SYNE2: variants seen among roughly 807,000 people sequenced by gnomAD.
SYNE2 encodes spectrin repeat containing nuclear envelope protein 2, also known as nesprin-2.
Under a neutral mutation model 856.3 loss-of-function variants are expected in SYNE2, and 431 were observed. That is an observed-to-expected ratio of 0.50 (90% confidence interval 0.47 to 0.55). The LOEUF (loss-of-function observed/expected upper bound fraction) is 0.55, where lower values mean the gene tolerates loss of function less well. Ranked by LOEUF, SYNE2 falls within the 20% of genes least tolerant of loss-of-function variation. The pLI is 0.00. For missense variants in SYNE2, 8,129 were observed against 8,023.2 expected (o/e 1.01, Z -0.50); for synonymous variants, 2,923 against 2,872.3 (o/e 1.02, Z -0.56).
chr14:63,777,158 A>G (rs550883190), intron 1 of SYNE2, among the ~76,000 whole-genome samples: 201 of 152,328 alleles, frequency 1.3e-3, no homozygotes, highest in African/African-American at 3.6e-3. Flanking sequence ...TCAGTAAGCT[A>G]TATTATGAGG....
intron 100 of SYNE2, chr14:64,208,026 G>A (rs1188132872): frequency 2.2e-6 from 1 of 455,910 alleles, no homozygotes; most frequent in Non-Finnish European, 4.4e-6. Context: ...TTCGTGAAGA[G>A]GTTTTCCAGT....
chr14:64,102,448 A>G (rs932220399), intron 64 of SYNE2, among the ~76,000 whole-genome samples: 4 of 151,822 alleles, frequency 2.6e-5, no homozygotes, highest in Non-Finnish European at 4.4e-5. Context: ...TAAGGATAGT[A>G]AAGAACTATT....
At chr14:64,064,542 ATT>A (rs369447974) in intron 50 of SYNE2, among the ~76,000 whole-genome samples, 131 of 103,610 alleles carry the variant, frequency 1.3e-3, no homozygotes, top group African/African-American at 4.1e-3. Context: ...GTACTTTTAG[ATT>A]TTTTTTTTTT....
chr14:64,109,478 A>T (rs1023346973), intron 65 of SYNE2, among the ~76,000 whole-genome samples: 8 of 152,188 alleles, frequency 5.3e-5, no homozygotes, highest in African/African-American at 1.9e-4. Flanking sequence ...TTAGCTAGTA[A>T]GTGGCAAAGC....
rs1484756164 is a variant in SYNE2, at chr14:64,051,757, A to G, written c.7844A>G (p.Gln2615Arg). ...TGGGAACAAGTGGAACAGCAGATTCAAAAGAAGTATTCTCAGCAGGTAGTG... is the reference window on the plus strand; with the variant it reads ...TGGGAACAAGTGGAACAGCAGATTCGAAAGAAGTATTCTCAGCAGGTAGTG... ...HGWEQVEQQIQKKYSQQVVEY... is the reference protein window; with the variant it reads ...HGWEQVEQQIRKKYSQQVVEY... The change falls in exon 48 of 116, where the codon CAA (glutamine) becomes CGA (arginine). Residue 2615 changes from glutamine to arginine, a missense_variant. Gln to Arg is a conservative substitution (Grantham distance 43). This residue lies in a region of SYNE2 where 5,410 missense variants were observed against 5,284.8 expected (regional missense o/e 1.02). Transcript: ENST00000555002. 2 of 1,614,240 alleles carry G rather than the reference A, an allele frequency of 1.2e-6. No homozygotes were observed. The highest frequency in any genetic ancestry group is 3.3e-5 in the Admixed American group (2 of 60,032).
intron 113 of SYNE2, among the ~76,000 whole-genome samples, chr14:64,223,812 A>G (rs574611531): frequency 2.6e-5 from 4 of 152,244 alleles, no homozygotes; most frequent in Admixed American, 6.5e-5. Flanking sequence ...CACCAGACTT[A>G]GGGCAGGTCT....
In SYNE2 at chr14:64,164,629, C is replaced by T. The variant is rs8181941; in HGVS notation, c.16480-656C>T. Reference sequence around the variant, plus strand: ...AGGCCATGGAGTTGCAGTATCACATCTCAGTACCAGCAGGAAAACAAACAA... The same window carrying T: ...AGGCCATGGAGTTGCAGTATCACATTTCAGTACCAGCAGGAAAACAAACAA... On this transcript the variant is annotated intron_variant, in intron 89 of 115. Coordinates refer to ENST00000555002, the MANE Select transcript of SYNE2 (RefSeq NM_182914.3). 1.6e-4 allele frequency among the ~76,000 whole-genome samples: 24 copies of T among 152,278 alleles called. No individual in the cohort carries two copies. In the East Asian group the frequency reaches 3.9e-3, roughly 25 times the overall value.
At chr14:64,216,416 C>T in intron 108 of SYNE2, 29 bp downstream of exon 108, 2 of 1,609,310 alleles carry the variant, frequency 1.2e-6, no homozygotes, top group Non-Finnish European at 1.7e-6. Flanking sequence ...GGGAGTACAG[C>T]CTATGTCTGT....
chr14:64,032,019 C>T (rs2097041257), intron 45 of SYNE2, among the ~76,000 whole-genome samples: 1 of 152,170 alleles, frequency 6.6e-6, no homozygotes. Flanking sequence ...CACGCAGCTT[C>T]TCACAGTCAG....
chr14:63,974,886 G>GTA (rs1315971121), intron 11 of SYNE2, among the ~76,000 whole-genome samples: 3 of 26,292 alleles, frequency 1.1e-4, no homozygotes, highest in Admixed American at 4.4e-4. Flanking sequence ...GTGTGTGTGT[G>GTA]TGTGTGTATA....
intron 60 of SYNE2, 141 bp from the exon 61 acceptor site, chr14:64,093,208 G>C (rs1209624056): frequency 1.1e-6 from 1 of 940,228 alleles, no homozygotes; most frequent in African/African-American, 1.7e-5. Flanking sequence ...CTCTGTTTAG[G>C]CTACCACGTC....
intron 96 of SYNE2, among the ~76,000 whole-genome samples, chr14:64,183,089 G>T (rs930576246): frequency 6.7e-6 from 1 of 148,366 alleles, no homozygotes; most frequent in Non-Finnish European, 1.5e-5. Context: ...CGGGGCGGCT[G>T]CCGGGCGGAG....
chr14:64,050,024 C>A, intron 47 of SYNE2, 148 bp downstream of exon 47: 2 of 1,065,734 alleles, frequency 1.9e-6, no homozygotes, highest in Non-Finnish European at 1.3e-6. Flanking sequence ...CATATGGATG[C>A]TGTCTTTGTT....
At chr14:64,015,904 T>G (rs1053311802) in intron 32 of SYNE2, among the ~76,000 whole-genome samples, 4 of 152,108 alleles carry the variant, frequency 2.6e-5, no homozygotes, top group African/African-American at 9.6e-5. Flanking sequence ...TTTGATGTAT[T>G]TAAAAATTTC....
intron 45 of SYNE2, among the ~76,000 whole-genome samples, chr14:64,041,220 T>G (rs1182604271): frequency 2.0e-5 from 3 of 152,160 alleles, no homozygotes; most frequent in Non-Finnish European, 4.4e-5. Flanking sequence ...AGAAAATATT[T>G]AAATCTTTAC....
Position 63,793,039 on chromosome 14 carries a change from A to G in SYNE2, c.-305+31053A>G, listed in dbSNP as rs138025590. On this transcript the variant is annotated intron_variant, in intron 1 of 23. Transcript: ENST00000674003. Reference sequence around the variant, plus strand: ...ATATTATCATACTTTTTTTAAAGCTATATTATTAGCACACAGAACACTTCA... The same window carrying G: ...ATATTATCATACTTTTTTTAAAGCTGTATTATTAGCACACAGAACACTTCA... 1.4e-4 allele frequency among the ~76,000 whole-genome samples: 22 copies of G among 152,270 alleles called. No homozygotes were observed. In the East Asian group the frequency reaches 3.5e-3, roughly 24 times the overall value.
chr14:63,933,809 TAAG>T (rs1483910368), intron 2 of SYNE2, among the ~76,000 whole-genome samples: 2 of 152,222 alleles, frequency 1.3e-5, no homozygotes, highest in Non-Finnish European at 2.9e-5. Context: ...CATGCCATTC[TAAG>T]AAGAGTTTTA....
chr14:63,941,689 C>T lies in SYNE2; in HGVS notation c.142-6C>T. ...GAATGATTATTTTTCTTGTGACCTTCTGCAGCACACTTCTCCCTCAGTTAT... is the reference window on the plus strand; with the variant it reads ...GAATGATTATTTTTCTTGTGACCTTTTGCAGCACACTTCTCCCTCAGTTAT... On this transcript the variant is annotated splice_region_variant and splice_polypyrimidine_tract_variant and intron_variant, in intron 3 of 115. Transcript: ENST00000555002. 1 of 1,612,538 alleles carries T rather than the reference C, an allele frequency of 6.2e-7. No homozygotes were observed. Among genetic ancestry groups the T allele is most frequent in the Non-Finnish European group, 8.5e-7 (1 of 1,178,634 alleles).
chr14:64,195,290 A>G (rs1414969833), intron 99 of SYNE2, among the ~76,000 whole-genome samples: 1 of 152,150 alleles, frequency 6.6e-6, no homozygotes, highest in Non-Finnish European at 1.5e-5. Flanking sequence ...CTTTTTGCTT[A>G]TCTGTACTTT....
Sources: allele counts gnomAD v4.1 joint callset (sites outside exome capture counted in the v4.1 genomes callset), GRCh38; gene constraint gnomAD v4.1.1; regional missense constraint gnomAD v4.1.1; transcripts MANE v1.5; gene names NCBI Gene and HGNC (gene_info 2026-07-23, HGNC 2026-07-21).